The following CARM1 variants were observed in gnomAD, a reference collection of about 807,000 sequenced individuals.
CARM1 encodes histone-arginine methyltransferase CARM1.
In CARM1, 14 loss-of-function variants were observed where a neutral mutation model predicts 72.7. That is an observed-to-expected ratio of 0.19 (90% CI 0.13 to 0.30). CARM1 has a LOEUF of 0.30. CARM1 is among the 10% of genes least tolerant of loss of function. CARM1 has a pLI of 1.00. For missense variants in CARM1, 432 were observed against 833.7 expected, an observed-to-expected ratio of 0.52 and a Z score of 5.93; for synonymous variants, 333 against 345.5, an observed-to-expected ratio of 0.96 and a Z score of 0.40.
chr19:10,893,675 G>C (rs1271477800), intron 1 of CARM1, among the ~76,000 whole-genome samples: 1 of 152,226 alleles, frequency 6.6e-6, no homozygotes, highest in Non-Finnish European at 1.5e-5. Context: ...CTGAGGCCAG[G>C]GGTGAAGGCA....
At chr19:10,872,098 A>G (rs2073823362) in intron 1 of CARM1, among the ~76,000 whole-genome samples, 176 bp downstream of exon 1, 2 of 151,738 alleles carry the variant, frequency 1.3e-5, no homozygotes, top group African/African-American at 4.8e-5. Flanking sequence ...ACAGACAGAG[A>G]AAAGAGGGCG....
At chr19:10,905,320 C>A (rs1029331690) in intron 2 of CARM1, among the ~76,000 whole-genome samples, 2 of 152,270 alleles carry the variant, frequency 1.3e-5, no homozygotes, top group Admixed American at 6.5e-5. Context: ...TATGTCCCCA[C>A]CTCCAAGAGG....
At position 10,896,488 on chromosome 19, in the gene CARM1, A is replaced by G. The variant is rs1293558687; in HGVS notation, c.221-8463A>G. 1.3e-5 allele frequency among the ~76,000 whole-genome samples: 2 copies of G among 151,126 alleles called. No homozygotes were observed. Among genetic ancestry groups the G allele is most frequent in the Non-Finnish European group, 3.0e-5 (2 of 67,782 alleles). ...AGCCATAGCACTTGGCTCCTTCCCT[A>G]TCCTGTGTGACGGTGGGTCTCTCCC... On this transcript the variant is annotated intron_variant, in intron 1 of 15. Transcript: ENST00000327064. This position sits in a 1 kb window ranked among gnomAD's most constrained non-coding sequence, Gnocchi z 5.2.
intron 1 of CARM1, among the ~76,000 whole-genome samples, chr19:10,890,054 C>T (rs1383833365): frequency 6.6e-6 from 1 of 151,922 alleles, no homozygotes; most frequent in Non-Finnish European, 1.5e-5. Flanking sequence ...TTGAGACCAG[C>T]GTGGGCAACA....
At chr19:10,890,203 A>G (rs1490470323) in intron 1 of CARM1, among the ~76,000 whole-genome samples, 1 of 151,974 alleles carries the variant, frequency 6.6e-6, no homozygotes, top group Non-Finnish European at 1.5e-5. Flanking sequence ...CCTGGGCAAC[A>G]TAGGGAGACC....
In CARM1 at chr19:10,901,908, T is replaced by C. The variant is rs537210486; in HGVS notation, c.221-3043T>C. Reference sequence around the variant, plus strand: ...AGGTTGCAGTGAGCCAAGATAGTGCTGCTGCACTCCAGCCTGGGCAACAGA... The same window carrying C: ...AGGTTGCAGTGAGCCAAGATAGTGCCGCTGCACTCCAGCCTGGGCAACAGA... On this transcript the variant is annotated intron_variant, in intron 1 of 15. Transcript: ENST00000327064. Among the ~76,000 whole-genome samples the C allele has an allele frequency of 3.6e-4, 55 of 151,974 alleles. 1 individual carries two copies. In the East Asian group the frequency reaches 9.0e-3, roughly 25 times the overall value.
At chr19:10,908,621 G>A (rs1280967580) in intron 3 of CARM1, 1 of 189,214 alleles carries the variant, frequency 5.3e-6, no homozygotes, top group Admixed American at 5.5e-5. Context: ...ACAGAGCCAA[G>A]ATGGGAAGCC....
Position 10,916,687 on chromosome 19 carries a change from T to C in CARM1, c.939-9T>C, listed in dbSNP as rs1018526455. The stretch of plus-strand genomic sequence containing the variant: ...CTGACCTTGCTGTGGGGGTGGGGCC[T>C]GTCCACAGGTACCAGCCATCTTTCC... On this transcript the variant is annotated splice_polypyrimidine_tract_variant and intron_variant, in intron 7 of 15. Transcript: ENST00000327064. This position sits in a 1 kb window ranked among gnomAD's most constrained non-coding sequence, Gnocchi z 4.4. The C allele has an allele frequency of 4.5e-6, 7 of 1,568,326 alleles. No homozygotes were observed. Among genetic ancestry groups the C allele is most frequent in the Non-Finnish European group, 5.2e-6 (6 of 1,156,072 alleles).
chr19:10,909,962 A>C (rs915174994), intron 4 of CARM1, among the ~76,000 whole-genome samples: 2 of 151,722 alleles, frequency 1.3e-5, no homozygotes, highest in Admixed American at 1.3e-4. Context: ...AGTAGCTCAC[A>C]CCTGTCTGTA....
chr19:10,896,154 A>G lies in CARM1; in HGVS notation c.221-8797A>G, dbSNP rs1209996815. ...GACTGGGAGGTGACTGAGGCATGGT[A>G]TGTCGCCCGGCACCATCTGCTCAGT... On this transcript the variant is annotated intron_variant, in intron 1 of 15. Transcript: ENST00000327064. This position sits in a 1 kb window ranked among gnomAD's most constrained non-coding sequence, Gnocchi z 5.2. Among the ~76,000 whole-genome samples, 5 of 151,860 alleles carry G rather than the reference A, an allele frequency of 3.3e-5. No homozygotes were observed. The highest frequency in any genetic ancestry group is 1.2e-4 in the African/African-American group (5 of 41,306).
chr19:10,908,032 G>T lies in CARM1; in HGVS notation c.347-7G>T. On this transcript the variant is annotated splice_region_variant and splice_polypyrimidine_tract_variant and intron_variant, in intron 2 of 15. Transcript: ENST00000327064. ...CGCCCCCCGGTGACTTGGCTTCCCT[G>T]TTCCAGATTTCTGTTCCTTCTACAA... 2 of 1,609,154 alleles carry T rather than the reference G, an allele frequency of 1.2e-6. No individual in the cohort carries two copies. Among genetic ancestry groups the T allele is most frequent in the Non-Finnish European group, 1.7e-6 (2 of 1,175,648 alleles).
rs370053452 is a variant in CARM1, at chr19:10,913,463, G to A, written c.670-414G>A. On this transcript the variant is annotated intron_variant, in intron 5 of 15. Coordinates refer to ENST00000327064, the MANE Select transcript of CARM1 (RefSeq NM_199141.2). ...TGAGGTGGGAGAATCGCTAGAACCC[G>A]GGAGGCAGAGGTTGCAGTGAGCCGA... 8.6e-5 allele frequency among the ~76,000 whole-genome samples: 13 copies of A among 151,976 alleles called. No homozygotes were observed. In the South Asian group the frequency reaches 1.0e-3, roughly 12 times the overall value.
Position 10,920,964 on chromosome 19 carries a change from C to G in CARM1, c.1537+18C>G, listed in dbSNP as rs1162797902. 1.9e-6 allele frequency: 3 copies of G among 1,612,724 alleles called. No homozygotes were observed. The highest frequency in any genetic ancestry group is 1.6e-4 in the Middle Eastern group (1 of 6,062). On this transcript the variant is annotated intron_variant, in intron 13 of 15. Coordinates refer to ENST00000327064, the MANE Select transcript of CARM1 (RefSeq NM_199141.2). The surrounding 1 kb of genome is among the most constrained non-coding windows in gnomAD (Gnocchi z 5.3). ...CGTGGCAGGTGAGCAGGGCCCACCC[C>G]AATGCCCAGCCAACCCGGGAGGCCG...
Position 10,921,694 on chromosome 19 carries a change from C to G in CARM1, c.1764C>G (p.Gly588=). The G allele has an allele frequency of 6.2e-7, 1 of 1,613,652 alleles. No individual in the cohort carries two copies. Among genetic ancestry groups the G allele is most frequent in the Non-Finnish European group, 8.5e-7 (1 of 1,179,874 alleles). ...TCAACAGCCAGTTCACCATGGGCGG[C>G]CCCGCCATCTCCATGGCGTCGCCCA... ...YAVNSQFTMG[G]PAISMASPMS... The change falls in exon 16 of 16, where the codon GGC becomes GGG. Residue 588 remains glycine (G), a synonymous_variant. Transcript: ENST00000327064.
chr19:10,885,715 C>T (rs73009538), intron 1 of CARM1, among the ~76,000 whole-genome samples: 32,445 of 151,930 alleles, frequency 0.21, 3,693 homozygotes, highest in Middle Eastern at 0.3. Flanking sequence ...TCCAGATTTC[C>T]ATCCTGTGCC....
chr19:10,895,951 G>A (rs1268094171), intron 1 of CARM1, among the ~76,000 whole-genome samples: 1 of 152,182 alleles, frequency 6.6e-6, no homozygotes, highest in Non-Finnish European at 1.5e-5. Context: ...GAGAACCTCT[G>A]CCCATGATCT....
intron 1 of CARM1, among the ~76,000 whole-genome samples, chr19:10,895,471 A>G (rs1012355690): frequency 3.9e-5 from 6 of 152,224 alleles, no homozygotes; most frequent in Admixed American, 3.3e-4. Flanking sequence ...TCAAGGGCCC[A>G]AAGACCCCCT....
rs1286341439 is a variant in CARM1, at chr19:10,914,070, T to G, written c.847+16T>G. On this transcript the variant is annotated intron_variant, in intron 6 of 15. Transcript: ENST00000327064. ...AAGCCCAGCGGTGAGCACTGGGGGG[T>G]ACACAGGCCAGGCCCCTCGGTGGAG... 2.5e-6 allele frequency: 4 copies of G among 1,603,866 alleles called. No individual in the cohort carries two copies. The highest frequency in any genetic ancestry group is 2.2e-5 in the South Asian group (2 of 89,802).
At chr19:10,883,843 C>A (rs2073919998) in intron 1 of CARM1, among the ~76,000 whole-genome samples, 1 of 150,884 alleles carries the variant, frequency 6.6e-6, no homozygotes. Flanking sequence ...CATGGTGAAA[C>A]CCCATCTCTA....
Sources: allele counts gnomAD v4.1 joint callset (sites outside exome capture counted in the v4.1 genomes callset), GRCh38; gene constraint gnomAD v4.1.1; non-coding constraint Gnocchi (gnomAD v3.1); transcripts MANE v1.5; gene names NCBI Gene and HGNC (gene_info 2026-07-23, HGNC 2026-07-21).